The following PCED1B variants were observed in gnomAD, a reference collection of about 807,000 sequenced individuals.
The protein encoded by PCED1B is PC-esterase domain-containing protein 1B.
For synonymous variants in PCED1B, 251 were observed against 246.1 expected, an observed-to-expected ratio of 1.02 and a Z score of -0.19; for missense variants, 573 against 573.9, an observed-to-expected ratio of 1.00 and a Z score of 0.02.
intron 2 of PCED1B, among the ~76,000 whole-genome samples, chr12:47,118,283 G>A (rs1939519568): frequency 6.6e-6 from 1 of 152,142 alleles, no homozygotes; most frequent in Non-Finnish European, 1.5e-5. Context: ...TGTCCTGAAT[G>A]GTATTGCCTA....
At chr12:47,166,037 C>T (rs61230227) in intron 2 of PCED1B, among the ~76,000 whole-genome samples, 1 of 152,150 alleles carries the variant, frequency 6.6e-6, no homozygotes, top group South Asian at 2.1e-4. Flanking sequence ...TGATTAAACG[C>T]TAGCATAGCT....
intron 2 of PCED1B, among the ~76,000 whole-genome samples, chr12:47,171,845 C>G (rs914198689): frequency 9.2e-5 from 14 of 151,428 alleles, no homozygotes; most frequent in Admixed American, 7.2e-4. Context: ...TCTGCTGCTG[C>G]TTCTTTCTTC....
intron 2 of PCED1B, among the ~76,000 whole-genome samples, chr12:47,157,025 C>T (rs1039124414): frequency 6.6e-6 from 1 of 152,132 alleles, no homozygotes; most frequent in East Asian, 1.9e-4. Flanking sequence ...TTGTCTCCTT[C>T]TAGAGTCTAA....
chr12:47,186,760 A>C (rs1942281835), intron 2 of PCED1B, among the ~76,000 whole-genome samples: 1 of 152,182 alleles, frequency 6.6e-6, no homozygotes, highest in South Asian at 2.1e-4. Context: ...GAATTGTGAG[A>C]TACTACATTT....
chr12:47,156,875 A>G (rs1432899621), intron 2 of PCED1B, among the ~76,000 whole-genome samples: 1 of 151,992 alleles, frequency 6.6e-6, no homozygotes. Context: ...AAGTCATTTG[A>G]CCTCTCTAAG....
chr12:47,225,124 GT>G (rs1943597150), intron 3 of PCED1B, among the ~76,000 whole-genome samples: 1 of 152,072 alleles, frequency 6.6e-6, no homozygotes, highest in South Asian at 2.1e-4. Context: ...TACAGACGGG[GT>G]TTTGCCATGT....
chr12:47,209,691 A>G (rs574241887), intron 2 of PCED1B: 1 of 152,132 alleles, frequency 6.6e-6, no homozygotes, highest in African/African-American at 2.4e-5. Flanking sequence ...TCAATTTGGG[A>G]TCTTCAGGCT....
intron 2 of PCED1B, among the ~76,000 whole-genome samples, chr12:47,121,292 T>A (rs1485996693): frequency 6.6e-6 from 1 of 152,160 alleles, no homozygotes; most frequent in East Asian, 1.9e-4. Context: ...CTCACTTGTT[T>A]TTGCATGGTT....
chr12:47,086,024 G>A (rs921525994), intron 1 of PCED1B, among the ~76,000 whole-genome samples: 5 of 152,290 alleles, frequency 3.3e-5, no homozygotes, highest in Admixed American at 3.3e-4. Flanking sequence ...CCCACTGTGT[G>A]CTAGGCGCTA....
At chr12:47,150,655 G>A (rs1442878306) in intron 2 of PCED1B, among the ~76,000 whole-genome samples, 1 of 151,882 alleles carries the variant, frequency 6.6e-6, no homozygotes, top group Non-Finnish European at 1.5e-5. Flanking sequence ...CACCCATGTT[G>A]ATACATGGGG....
At chr12:47,156,374 G>T (rs1364716774) in intron 2 of PCED1B, among the ~76,000 whole-genome samples, 2 of 152,094 alleles carry the variant, frequency 1.3e-5, no homozygotes, top group Admixed American at 6.5e-5. Context: ...TTCTTACCAA[G>T]CACTGCAAAG....
chr12:47,090,825 A>G (rs1019500483), intron 1 of PCED1B, among the ~76,000 whole-genome samples: 3 of 152,096 alleles, frequency 2.0e-5, no homozygotes, highest in African/African-American at 7.2e-5. Flanking sequence ...CTATATCACA[A>G]TTGGTTTAAC....
At chr12:47,204,433 C>T (rs1942858550) in intron 2 of PCED1B, among the ~76,000 whole-genome samples, 2 of 152,250 alleles carry the variant, frequency 1.3e-5, no homozygotes, top group Middle Eastern at 3.4e-3. Context: ...TTTCTTTGAG[C>T]AGTGGTTTGT....
chr12:47,183,320 C>G (rs938926176), intron 2 of PCED1B, among the ~76,000 whole-genome samples: 4 of 152,174 alleles, frequency 2.6e-5, no homozygotes, highest in African/African-American at 7.2e-5. Context: ...GATGGAATTT[C>G]TAAATATATT....
chr12:47,100,793 C>T (rs753199602), intron 1 of PCED1B, among the ~76,000 whole-genome samples: 21 of 152,172 alleles, frequency 1.4e-4, no homozygotes, highest in Non-Finnish European at 1.8e-4. Flanking sequence ...ATTGGCCAGG[C>T]ATGGTGGCTT....
At chr12:47,209,922 A>T (rs1403077644) in intron 2 of PCED1B, 1 of 152,272 alleles carries the variant, frequency 6.6e-6, no homozygotes, top group African/African-American at 2.4e-5. Context: ...AGGATTCTAG[A>T]TTTGAACTAA....
At chr12:47,203,884 C>T (rs2137724532) in intron 2 of PCED1B, among the ~76,000 whole-genome samples, 1 of 152,280 alleles carries the variant, frequency 6.6e-6, no homozygotes, top group Non-Finnish European at 1.5e-5. Context: ...TGAGGAATTG[C>T]CACACTGTCA....
At chr12:47,083,000 A>C (rs1270617564) in intron 1 of PCED1B, among the ~76,000 whole-genome samples, 1 of 148,536 alleles carries the variant, frequency 6.7e-6, no homozygotes, top group Non-Finnish European at 1.5e-5. Flanking sequence ...TTCTGAATCT[A>C]GTATGCTGAG....
intron 2 of PCED1B, among the ~76,000 whole-genome samples, chr12:47,213,617 C>T (rs1163031481): frequency 6.6e-6 from 1 of 152,172 alleles, no homozygotes. Flanking sequence ...TTCTCTGTGG[C>T]TATAACTACT....
Sources: gnomAD v4.1 joint callset for allele counts (sites outside exome capture counted in the v4.1 genomes callset) on GRCh38, gnomAD v4.1.1 for gene constraint, MANE v1.5 for transcripts, NCBI Gene and HGNC (gene_info 2026-07-23, HGNC 2026-07-21) for gene names.